The following ZCCHC4 variants were observed in gnomAD, a reference collection of about 807,000 sequenced individuals.
ZCCHC4 encodes zinc finger CCHC-type containing 4.
ZCCHC4 carries 54 observed loss-of-function variants against 67.7 expected under a neutral mutation model. The ratio of observed to expected loss-of-function variants is 0.80; its 90% confidence interval spans 0.64 to 1.00. The LOEUF is 1.00. Ranked by LOEUF, ZCCHC4 falls within the 50% of genes least tolerant of loss-of-function variation. The pLI, the probability that ZCCHC4 is intolerant of heterozygous loss-of-function variation, is 0.00. For synonymous variants in ZCCHC4, 198 were observed against 213.5 expected (o/e 0.93, Z 0.63); for missense variants, 609 against 617.0 (o/e 0.99, Z 0.14).
chr4:25,347,954 C>T (rs867135427), intron 6 of ZCCHC4, among the ~76,000 whole-genome samples: 24 of 152,262 alleles, frequency 1.6e-4, no homozygotes, highest in Middle Eastern at 3.4e-3. Flanking sequence ...AACATTAAGA[C>T]CATCAGCAGC....
chr4:25,366,350 C>G (rs1300019726), intron 12 of ZCCHC4: 3 of 771,318 alleles, frequency 3.9e-6, no homozygotes, highest in South Asian at 6.1e-5. Flanking sequence ...GAGTCTTGCT[C>G]TGTCGCCCAG....
At chr4:25,361,341 T>G (rs1176229943) in intron 8 of ZCCHC4, among the ~76,000 whole-genome samples, 1 of 152,188 alleles carries the variant, frequency 6.6e-6, no homozygotes, top group Non-Finnish European at 1.5e-5. Context: ...GACACCCTTG[T>G]CCAAGGAGGT....
At chr4:25,320,416 A>G (rs79494529) in intron 3 of ZCCHC4, among the ~76,000 whole-genome samples, 2 of 152,162 alleles carry the variant, frequency 1.3e-5, no homozygotes, top group African/African-American at 4.8e-5. Flanking sequence ...GCTCTTAGAG[A>G]AATGCCATAA....
Position 25,359,631 on chromosome 4 carries a change from A to T in ZCCHC4, c.1012-2228A>T, listed in dbSNP as rs1426138495. On this transcript the variant is annotated intron_variant, in intron 8 of 12. Transcript: ENST00000302874. This position sits in a 1 kb window ranked among gnomAD's most constrained non-coding sequence, Gnocchi z 4.9. Reference sequence around the variant, plus strand: ...GTCCCAATGAGTGACATGCTCACAGATGTGGATAGATTTGATTTTGGCCAG... The same window carrying T: ...GTCCCAATGAGTGACATGCTCACAGTTGTGGATAGATTTGATTTTGGCCAG... 6.6e-6 allele frequency among the ~76,000 whole-genome samples: 1 copy of T among 152,214 alleles called. No individual in the cohort carries two copies. Among genetic ancestry groups the T allele is most frequent in the Non-Finnish European group, 1.5e-5 (1 of 68,044 alleles).
intron 8 of ZCCHC4, chr4:25,352,002 A>G: frequency 9.7e-7 from 1 of 1,028,834 alleles, no homozygotes. Context: ...TTAGTCTTTC[A>G]TCATCACTAG....
intron 1 of ZCCHC4, 115 bp from the exon 2 acceptor site, chr4:25,313,931 G>A: frequency 1.5e-6 from 1 of 667,884 alleles, no homozygotes; most frequent in Non-Finnish European, 2.6e-6. Context: ...ATTTAATTAT[G>A]ATAAATTGTG....
At chr4:25,322,877 A>C (rs1219069287) in intron 3 of ZCCHC4, among the ~76,000 whole-genome samples, 1 of 152,172 alleles carries the variant, frequency 6.6e-6, no homozygotes, top group African/African-American at 2.4e-5. Flanking sequence ...TCAGTTTAAA[A>C]AATCTATATA....
chr4:25,357,710 T>G (rs1233449237), intron 8 of ZCCHC4, among the ~76,000 whole-genome samples: 1 of 152,240 alleles, frequency 6.6e-6, no homozygotes, highest in Non-Finnish European at 1.5e-5. Flanking sequence ...TATTCTTGTT[T>G]ATTATAGAAA....
At chr4:25,314,783 C>T (rs1484565549) in intron 2 of ZCCHC4, among the ~76,000 whole-genome samples, 3 of 152,132 alleles carry the variant, frequency 2.0e-5, no homozygotes, top group Non-Finnish European at 2.9e-5. Flanking sequence ...TCGATAGCAC[C>T]GTTGGCAGAT....
intron 6 of ZCCHC4, among the ~76,000 whole-genome samples, chr4:25,348,997 T>C (rs1229098729): frequency 2.0e-5 from 3 of 152,218 alleles, no homozygotes; most frequent in Non-Finnish European, 2.9e-5. Context: ...TTCAAATATG[T>C]CTGCCTGATA....
intron 6 of ZCCHC4, among the ~76,000 whole-genome samples, chr4:25,347,646 G>A (rs998012021): frequency 2.0e-5 from 3 of 152,090 alleles, no homozygotes; most frequent in African/African-American, 7.2e-5. Flanking sequence ...TTTAAGTGTC[G>A]GCTCAGTGCC....
At chr4:25,365,898 G>A (rs1460244032) in intron 12 of ZCCHC4, 2 of 984,082 alleles carry the variant, frequency 2.0e-6, no homozygotes, top group African/African-American at 1.7e-5. Context: ...TAAAAGGGAT[G>A]ATAGTGATTA....
chr4:25,346,131 C>T (rs1720000561), intron 6 of ZCCHC4, among the ~76,000 whole-genome samples: 1 of 152,062 alleles, frequency 6.6e-6, no homozygotes, highest in Non-Finnish European at 1.5e-5. Flanking sequence ...AGACTTACCA[C>T]ACTGTAATTA....
Position 25,364,434 on chromosome 4 carries a change from A to G in ZCCHC4, c.1210-20A>G. 2 of 1,479,550 alleles carry G rather than the reference A, an allele frequency of 1.4e-6. No individual in the cohort carries two copies. The highest frequency in any genetic ancestry group is 2.3e-5 in the Admixed American group (1 of 42,612). The allele number at this position is 1,479,550 out of a possible 1,614,324, so 91.7% of individuals were successfully genotyped here. A position where few individuals can be genotyped will look rare whatever the true frequency, so the allele number is the denominator to read the frequency against. ...ATAACAAATTAATTATAATTTAAAA[A>G]TTGTTTTTTTTTTTGGTAGGATGGC... On this transcript the variant is annotated intron_variant, in intron 10 of 12. Coordinates refer to ENST00000302874, the MANE Select transcript of ZCCHC4 (RefSeq NM_024936.3).
chr4:25,335,434 C>T (rs1447715311), intron 5 of ZCCHC4, among the ~76,000 whole-genome samples: 6 of 151,894 alleles, frequency 4.0e-5, no homozygotes, highest in Admixed American at 3.3e-4. Flanking sequence ...GGTGACAGAG[C>T]GGGACTCAGT....
chr4:25,319,662 C>T (rs1718476269), intron 3 of ZCCHC4, among the ~76,000 whole-genome samples: 1 of 151,944 alleles, frequency 6.6e-6, no homozygotes, highest in Admixed American at 6.6e-5. Context: ...ATAATTTTGG[C>T]TTTTTAAAAT....
chr4:25,323,499 T>C (rs1032465259), intron 3 of ZCCHC4, among the ~76,000 whole-genome samples: 1 of 152,184 alleles, frequency 6.6e-6, no homozygotes, highest in African/African-American at 2.4e-5. Context: ...TATAGCACTT[T>C]TGGAATTTGA....
intron 5 of ZCCHC4, among the ~76,000 whole-genome samples, chr4:25,338,017 T>C (rs962777624): frequency 1.3e-5 from 2 of 152,244 alleles, no homozygotes; most frequent in African/African-American, 2.4e-5. Flanking sequence ...TTTGGCTTTT[T>C]AAACCTTTTT....
intron 3 of ZCCHC4, among the ~76,000 whole-genome samples, chr4:25,316,670 T>G (rs1195785623): frequency 2.0e-5 from 3 of 152,200 alleles, no homozygotes; most frequent in Non-Finnish European, 1.5e-5. Context: ...GGTTATCTTT[T>G]TGTTGTTGAG....
Sources: gnomAD v4.1 joint callset for allele counts (sites outside exome capture counted in the v4.1 genomes callset) on GRCh38, gnomAD v4.1.1 for gene constraint, Gnocchi (gnomAD v3.1) non-coding constraint, MANE v1.5 for transcripts, NCBI Gene and HGNC (gene_info 2026-07-23, HGNC 2026-07-21) for gene names.